Variants in DENND4A observed in about 807,000 individuals in gnomAD.
DENND4A encodes DENN domain containing 4A.
A neutral mutation model predicts 199.3 loss-of-function variants in DENND4A; 70 were observed. That is an observed-to-expected ratio of 0.35 (90% CI 0.29 to 0.43). The LOEUF is 0.43. DENND4A is among the 20% of genes least tolerant of loss of function. The pLI is 1.00. For missense variants in DENND4A, 1,723 were observed against 2,255.8 expected (o/e 0.76, Z 4.78); for synonymous variants, 686 against 766.9 (o/e 0.89, Z 1.74).
intron 29 of DENND4A, 94 bp from the exon 30 acceptor site, chr15:65,665,556 T>C: frequency 1.1e-6 from 1 of 914,354 alleles, no homozygotes; most frequent in Non-Finnish European, 1.6e-6. Flanking sequence ...TTAGGATGTA[T>C]ATGTGCGAGA....
intron 11 of DENND4A, among the ~76,000 whole-genome samples, chr15:65,728,240 TG>T (rs1409428548): frequency 1.3e-5 from 2 of 152,104 alleles, no homozygotes; most frequent in Non-Finnish European, 2.9e-5. Flanking sequence ...TGACCTCAAG[TG>T]ATCCGTCCAC....
intron 10 of DENND4A, 31 bp downstream of exon 10, chr15:65,729,503 T>C: frequency 6.3e-7 from 1 of 1,582,222 alleles, no homozygotes; most frequent in South Asian, 1.2e-5. Flanking sequence ...TTAAACTAAA[T>C]TGACTGCCAA....
chr15:65,676,141 AATATATATATATATAT>A (rs57613461), intron 24 of DENND4A, among the ~76,000 whole-genome samples: 7 of 110,452 alleles, frequency 6.3e-5, no homozygotes, highest in Non-Finnish European at 9.7e-5. Flanking sequence ...AATAAGGAAA[AATATATATATATATAT>A]ATATATATAC....
At chr15:65,745,822 G>C (rs2076372274) in intron 4 of DENND4A, among the ~76,000 whole-genome samples, 1 of 152,044 alleles carries the variant, frequency 6.6e-6, no homozygotes, top group Non-Finnish European at 1.5e-5. Flanking sequence ...CTGTAGGAAA[G>C]AGAACCATGG....
chr15:65,781,151 A>G (rs2077426115), intron 1 of DENND4A, among the ~76,000 whole-genome samples: 1 of 152,236 alleles, frequency 6.6e-6, no homozygotes, highest in Non-Finnish European at 1.5e-5. Flanking sequence ...GCAATGGTCA[A>G]CAATCCAGAA....
intron 12 of DENND4A, among the ~76,000 whole-genome samples, chr15:65,719,589 G>GT (rs2075541404): frequency 1.3e-5 from 2 of 152,068 alleles, no homozygotes; most frequent in South Asian, 4.1e-4. Flanking sequence ...TGATATTCCT[G>GT]TCAAAGATGT....
At chr15:65,784,218 C>G (rs2077507146) in intron 1 of DENND4A, among the ~76,000 whole-genome samples, 2 of 152,062 alleles carry the variant, frequency 1.3e-5, no homozygotes, top group African/African-American at 4.8e-5. Flanking sequence ...TCATCAAAAA[C>G]AAGGAAAGTC....
At chr15:65,747,908 C>T (rs568937272) in intron 4 of DENND4A, among the ~76,000 whole-genome samples, 11 of 151,362 alleles carry the variant, frequency 7.3e-5, no homozygotes, top group East Asian at 3.9e-4. Context: ...GGCGTGGTGG[C>T]GCGCGCCTGT....
chr15:65,699,911 C>T (rs1269777295), intron 20 of DENND4A, among the ~76,000 whole-genome samples: 1 of 151,754 alleles, frequency 6.6e-6, no homozygotes, highest in Non-Finnish European at 1.5e-5. Flanking sequence ...CTCCTGGGCT[C>T]AAGTGAACCA....
At chr15:65,685,220 G>A (rs1177158149) in intron 23 of DENND4A, among the ~76,000 whole-genome samples, 2 of 151,754 alleles carry the variant, frequency 1.3e-5, no homozygotes, top group Admixed American at 1.3e-4. Flanking sequence ...TCCGCCTCCC[G>A]GGGTCACGCC....
intron 1 of DENND4A, among the ~76,000 whole-genome samples, chr15:65,781,968 A>G (rs549178746): frequency 1.1e-4 from 16 of 152,346 alleles, no homozygotes; most frequent in African/African-American, 3.6e-4. Flanking sequence ...GTTACTTTAC[A>G]AGAGCAAGTT....
intron 4 of DENND4A, among the ~76,000 whole-genome samples, chr15:65,750,223 A>G (rs1012173105): frequency 1.3e-5 from 2 of 152,210 alleles, no homozygotes; most frequent in Non-Finnish European, 2.9e-5. Context: ...TAAGCAAACT[A>G]ATGCAGAAAC....
rs1160139504 is a variant in DENND4A, at chr15:65,792,068, C to G, written c.-160G>C. 6.6e-6 allele frequency: 1 copy of G among 152,402 alleles called. No homozygotes were observed. Among genetic ancestry groups the G allele is most frequent in the Non-Finnish European group, 1.5e-5 (1 of 68,132 alleles). 9.4% of individuals were successfully genotyped at this position (152,402 alleles called of 1,614,324 possible). ...AGCTCGGAGAGCGGCGCCGGAATCC[C>G]GCACGCGCGGTAGCGGAACACGAGG... On this transcript the variant is annotated 5_prime_UTR_variant, in exon 1 of 33. Transcript: ENST00000443035.
At position 65,664,541 on chromosome 15, in the gene DENND4A, G is replaced by A. The variant is rs369246257; in HGVS notation, c.5522+19C>T. 166 of 1,603,790 alleles carry A rather than the reference G, an allele frequency of 1.0e-4. No individual in the cohort carries two copies. Among genetic ancestry groups the A allele is most frequent in the African/African-American group, 1.1e-4 (8 of 74,534 alleles). ...ATCTGCCTAGGAGAACAATATATTC[G>A]TCTAAGAGAAGGACTTACCTCTGTC... is the stretch of plus-strand genomic sequence containing the variant. On this transcript the variant is annotated intron_variant, in intron 31 of 32. Coordinates refer to ENST00000443035, the MANE Select transcript of DENND4A (RefSeq NM_001320835.1).
At chr15:65,664,873 G>A in intron 30 of DENND4A, 151 bp from the exon 31 acceptor site, 2 of 659,844 alleles carry the variant, frequency 3.0e-6, no homozygotes, top group East Asian at 2.9e-5. Flanking sequence ...AATGAAGAAA[G>A]CAAAAAATAA....
At chr15:65,665,623 G>T (rs1163935437) in intron 29 of DENND4A, among the ~76,000 whole-genome samples, 161 bp from the exon 30 acceptor site, 2 of 152,152 alleles carry the variant, frequency 1.3e-5, no homozygotes, top group Non-Finnish European at 2.9e-5. Flanking sequence ...ACTACAGGAA[G>T]ATGGGCTGTG....
At chr15:65,725,478 C>G (rs1321406844) in intron 11 of DENND4A, among the ~76,000 whole-genome samples, 1 of 152,048 alleles carries the variant, frequency 6.6e-6, no homozygotes, top group Non-Finnish European at 1.5e-5. Flanking sequence ...AGATGGAGAC[C>G]ATCCTGGCTA....
intron 1 of DENND4A, chr15:65,771,127 G>C: frequency 6.6e-7 from 1 of 1,507,616 alleles, no homozygotes; most frequent in Non-Finnish European, 8.9e-7. Flanking sequence ...CTTACTTACA[G>C]AAAAAATAAA....
chr15:65,755,638 T>C (rs2076682231), intron 3 of DENND4A, among the ~76,000 whole-genome samples: 1 of 151,950 alleles, frequency 6.6e-6, no homozygotes, highest in Non-Finnish European at 1.5e-5. Context: ...TGACAGCGTG[T>C]ATCTATAGTC....
Sources: allele counts gnomAD v4.1 joint callset (sites outside exome capture counted in the v4.1 genomes callset), GRCh38; gene constraint gnomAD v4.1.1; transcripts MANE v1.5; gene names NCBI Gene and HGNC (gene_info 2026-07-23, HGNC 2026-07-21).